The following HIKESHI variants were observed in gnomAD, a reference collection of about 807,000 sequenced individuals.
The protein encoded by HIKESHI is heat shock protein nuclear import factor hikeshi.
In HIKESHI, 13 loss-of-function variants were observed where a neutral mutation model predicts 25.7. That is an observed-to-expected ratio of 0.51 (90% CI 0.33 to 0.80). The LOEUF (loss-of-function observed/expected upper bound fraction) is 0.80. Among genes scored for constraint, HIKESHI ranks in the 30% least tolerant of loss-of-function variants. The pLI is 0.02. For missense variants in HIKESHI, 174 were observed against 229.5 expected (o/e 0.76, Z 1.56); for synonymous variants, 76 against 78.7 (o/e 0.97, Z 0.18).
At chr11:86,332,600 C>T (rs954605734) in intron 2 of HIKESHI, among the ~76,000 whole-genome samples, 1 of 151,974 alleles carries the variant, frequency 6.6e-6, no homozygotes, top group Non-Finnish European at 1.5e-5. Flanking sequence ...TTATTTCATC[C>T]AGGAAATTAT....
chr11:86,329,696 C>G (rs1947372646), intron 2 of HIKESHI, among the ~76,000 whole-genome samples: 1 of 151,622 alleles, frequency 6.6e-6, no homozygotes, highest in African/African-American at 2.4e-5. Flanking sequence ...TTTTCTTCCT[C>G]TGCTTTCTGA....
chr11:86,330,484 C>T (rs2138381996), intron 2 of HIKESHI, among the ~76,000 whole-genome samples: 1 of 152,312 alleles, frequency 6.6e-6, no homozygotes, highest in Non-Finnish European at 1.5e-5. Flanking sequence ...AGATACTCTG[C>T]ATATTTTCTT....
At chr11:86,344,908 T>C (rs1359613486) in intron 4 of HIKESHI, 187 bp downstream of exon 4, 2 of 537,514 alleles carry the variant, frequency 3.7e-6, no homozygotes, top group Non-Finnish European at 6.3e-6. Context: ...TATTTTGTTA[T>C]ATTGTCGCCA....
chr11:86,333,884 A>C (rs1947480985), intron 2 of HIKESHI, among the ~76,000 whole-genome samples: 2 of 152,246 alleles, frequency 1.3e-5, no homozygotes, highest in Non-Finnish European at 2.9e-5. Context: ...TCCTTCAACA[A>C]ATTATGAGCC....
intron 1 of HIKESHI, 72 bp downstream of exon 1, chr11:86,302,550 G>GCC: frequency 6.6e-7 from 1 of 1,514,248 alleles, no homozygotes; most frequent in Non-Finnish European, 8.9e-7. Context: ...CAGGGAGGGT[G>GCC]CGCAGGCGCT....
At chr11:86,340,977 G>T (rs185360789) in intron 3 of HIKESHI, among the ~76,000 whole-genome samples, 234 of 152,276 alleles carry the variant, frequency 1.5e-3, no homozygotes, top group African/African-American at 5.4e-3. Flanking sequence ...GCTGTCCTCT[G>T]TTATGACTCT....
intron 2 of HIKESHI, among the ~76,000 whole-genome samples, chr11:86,334,288 A>G (rs1947491099): frequency 6.8e-6 from 1 of 147,864 alleles, no homozygotes; most frequent in Admixed American, 7.0e-5. Context: ...TTTCCATTAG[A>G]TGCAAATAAC....
intron 2 of HIKESHI, among the ~76,000 whole-genome samples, chr11:86,320,830 T>G (rs1373865681): frequency 1.3e-5 from 2 of 152,242 alleles, no homozygotes; most frequent in Non-Finnish European, 2.9e-5. Context: ...TTTATATAGA[T>G]GAAGTCATAC....
At position 86,345,614 on chromosome 11, in the gene HIKESHI, G is replaced by C; in HGVS notation, c.570G>C (p.Gln190His). Reference protein sequence around the residue: ...WYENFQRRLAQNPLFWKT With the variant: ...WYENFQRRLAHNPLFWKT The stretch of plus-strand genomic sequence containing the variant: ...AAAACTTTCAAAGACGACTAGCACA[G>C]AACCCTCTCTTTTGGAAAACATAAT... Residue 190 changes from glutamine (Q) to histidine (H), a missense_variant, in exon 5 of 5, where the codon CAG (glutamine) becomes CAC (histidine). Transcript: ENST00000278483. 1 of 1,554,592 alleles carries C rather than the reference G, an allele frequency of 6.4e-7. No homozygotes were observed. The highest frequency in any genetic ancestry group is 8.8e-7 in the Non-Finnish European group (1 of 1,139,414).
At chr11:86,342,305 CCTT>C (rs1457748930) in intron 3 of HIKESHI, among the ~76,000 whole-genome samples, 3 of 152,178 alleles carry the variant, frequency 2.0e-5, no homozygotes, top group Admixed American at 6.5e-5. Context: ...GCATTTTTCT[CCTT>C]CTAGCATGGT....
At chr11:86,322,583 C>G (rs1034204013) in intron 2 of HIKESHI, among the ~76,000 whole-genome samples, 1 of 152,052 alleles carries the variant, frequency 6.6e-6, no homozygotes, top group Non-Finnish European at 1.5e-5. Context: ...CCCATCCCCT[C>G]TAGCAGTGTT....
At chr11:86,334,768 C>T (rs771963892) in intron 2 of HIKESHI, among the ~76,000 whole-genome samples, 10 of 152,192 alleles carry the variant, frequency 6.6e-5, no homozygotes, top group Admixed American at 5.2e-4. Flanking sequence ...CCCACCTCCA[C>T]CTCCCAAGTA....
intron 2 of HIKESHI, among the ~76,000 whole-genome samples, chr11:86,331,270 T>G (rs1947417146): frequency 6.6e-6 from 1 of 152,090 alleles, no homozygotes; most frequent in South Asian, 2.1e-4. Flanking sequence ...CGGGCGCATC[T>G]TTGAGAACAG....
chr11:86,325,721 A>G (rs957133203), intron 2 of HIKESHI, among the ~76,000 whole-genome samples: 12 of 151,690 alleles, frequency 7.9e-5, no homozygotes, highest in African/African-American at 2.9e-4. Context: ...AAAATACAAA[A>G]ATTAGCTGGG....
intron 2 of HIKESHI, among the ~76,000 whole-genome samples, chr11:86,337,035 A>G (rs183497021): frequency 6.6e-6 from 1 of 152,276 alleles, no homozygotes; most frequent in East Asian, 1.9e-4. Context: ...ACAAAAACTA[A>G]GTCATTGCTG....
rs146028930 is a variant in HIKESHI, at chr11:86,341,910, A to G, written c.421-2693A>G. Among the ~76,000 whole-genome samples, 1,246 of 152,310 alleles carry G rather than the reference A, an allele frequency of 8.2e-3. 23 individuals are homozygous for G. The highest frequency in any genetic ancestry group is 0.029 in the African/African-American group (1,186 of 41,580). ...TATAACTTGCTGTTGTTCACTCAAC[A>G]TTATTTTAAAGATTTATCGATGTTG... On this transcript the variant is annotated intron_variant, in intron 3 of 4. Coordinates refer to ENST00000278483, the MANE Select transcript of HIKESHI (RefSeq NM_016401.4).
intron 1 of HIKESHI, 71 bp from the exon 2 acceptor site, chr11:86,306,174 A>G (rs1226486277): frequency 1.0e-6 from 1 of 981,278 alleles, no homozygotes; most frequent in African/African-American, 1.6e-5. Context: ...AATATAACTT[A>G]TAAATGATAC....
chr11:86,337,721 A>G (rs893133318), intron 3 of HIKESHI, among the ~76,000 whole-genome samples, 191 bp downstream of exon 3: 2 of 152,102 alleles, frequency 1.3e-5, no homozygotes, highest in African/African-American at 2.4e-5. Context: ...GCAGTGGCGC[A>G]ATCTCGGCTG....
At chr11:86,339,923 G>A (rs1341698215) in intron 3 of HIKESHI, among the ~76,000 whole-genome samples, 1 of 83,150 alleles carries the variant, frequency 1.2e-5, no homozygotes, top group East Asian at 3.5e-4. Context: ...AGACCCGCCC[G>A]CCGTGTGTGA....
Sources: allele counts gnomAD v4.1 joint callset (sites outside exome capture counted in the v4.1 genomes callset), GRCh38; gene constraint gnomAD v4.1.1; transcripts MANE v1.5; gene names NCBI Gene and HGNC (gene_info 2026-07-23, HGNC 2026-07-21).